Variants in HAVCR1 observed in about 807,000 individuals in gnomAD.
HAVCR1 encodes T cell immunoglobin domain and mucin domain protein 1.
Under a neutral mutation model 32.0 loss-of-function variants are expected in HAVCR1, and 34 were observed. That is an observed-to-expected ratio of 1.06 (90% CI 0.81 to 1.42). The LOEUF is 1.42. Ranked by LOEUF, HAVCR1 falls within the 40% of genes most tolerant of loss-of-function variation. The pLI, the probability that HAVCR1 is intolerant of heterozygous loss-of-function variation, is 0.00. For missense variants in HAVCR1, 420 were observed against 442.3 expected, an observed-to-expected ratio of 0.95 and a Z score of 0.45; for synonymous variants, 178 against 170.3, an observed-to-expected ratio of 1.05 and a Z score of -0.35.
chr5:157,048,702 C>T (rs922774172), intron 5 of HAVCR1, among the ~76,000 whole-genome samples: 7 of 151,934 alleles, frequency 4.6e-5, no homozygotes, highest in Non-Finnish European at 8.8e-5. Context: ...TGGTGGCGGG[C>T]GCCTGTAGTC....
At chr5:157,042,787 G>C in intron 5 of HAVCR1, 105 bp from the exon 6 acceptor site, 1 of 702,460 alleles carries the variant, frequency 1.4e-6, no homozygotes, top group Non-Finnish European at 2.5e-6. Flanking sequence ...AAAGTTGAAT[G>C]ATAATATGAC....
At chr5:157,035,398 C>A (rs1224660013) in intron 7 of HAVCR1, among the ~76,000 whole-genome samples, 1 of 152,190 alleles carries the variant, frequency 6.6e-6, no homozygotes, top group East Asian at 1.9e-4. Flanking sequence ...CCACATCTTG[C>A]AAAATAGCTA....
At chr5:157,047,221 C>T (rs1581707617) in intron 5 of HAVCR1, among the ~76,000 whole-genome samples, 1 of 152,164 alleles carries the variant, frequency 6.6e-6, no homozygotes, top group Non-Finnish European at 1.5e-5. Context: ...CCCTGTGCCC[C>T]TGGGGGATGG....
chr5:157,031,010 T>TTTG (rs1754140345), intron 8 of HAVCR1, among the ~76,000 whole-genome samples: 1 of 144,002 alleles, frequency 6.9e-6, no homozygotes, highest in African/African-American at 2.7e-5. Context: ...TAGTGTGGGT[T>TTTG]TTTTTTTTTT....
At chr5:157,046,210 A>C (rs1755387611) in intron 5 of HAVCR1, among the ~76,000 whole-genome samples, 2 of 152,278 alleles carry the variant, frequency 1.3e-5, no homozygotes, top group African/African-American at 4.8e-5. Context: ...CTGCCTACAG[A>C]TTGGCAACAG....
At chr5:157,033,494 A>C (rs1196129155) in intron 7 of HAVCR1, among the ~76,000 whole-genome samples, 1 of 149,940 alleles carries the variant, frequency 6.7e-6, no homozygotes, top group Non-Finnish European at 1.5e-5. Flanking sequence ...ATCTAGCTAA[A>C]GGCCAGATCC....
Position 157,052,589 on chromosome 5 carries a change from T to C in HAVCR1, c.445A>G (p.Thr149Ala), listed in dbSNP as rs199816459. 8.3e-5 allele frequency: 133 copies of C among 1,612,042 alleles called. No individual in the cohort carries two copies. The African/African-American group carries it at 9.6e-4, about 12-fold the overall frequency. The change falls in exon 4 of 9, where the codon ACT becomes GCT. Residue 149 changes from threonine to alanine, a missense_variant. Coordinates refer to ENST00000523175, the MANE Select transcript of HAVCR1 (RefSeq NM_001173393.3). Reference protein sequence around the residue: ...PTVTTVRTSTTVPTTTTVPMT... With the variant: ...PTVTTVRTSTAVPTTTTVPMT... ...GGAACAGTCGTTGTCGTTGGAACAGTGGTGCTCGTTCGAACAGTCGTGACG... is the reference window on the plus strand; with the variant it reads ...GGAACAGTCGTTGTCGTTGGAACAGCGGTGCTCGTTCGAACAGTCGTGACG...
At chr5:157,037,968 T>C (rs1392275588) in intron 6 of HAVCR1, among the ~76,000 whole-genome samples, 3 of 151,980 alleles carry the variant, frequency 2.0e-5, no homozygotes, top group South Asian at 2.1e-4. Flanking sequence ...GATTTCGCCA[T>C]TGCACTCCAG....
chr5:157,060,218 AAAT>A (rs200229739), upstream of HAVCR1, among the ~76,000 whole-genome samples: 23 of 150,748 alleles, frequency 1.5e-4, no homozygotes, highest in Admixed American at 2.7e-4. Flanking sequence ...TCTCTCAGAA[AAAT>A]AATAATAATA....
intron 2 of HAVCR1, among the ~76,000 whole-genome samples, chr5:157,057,459 GAAAGA>G (rs1756278396): frequency 9.3e-6 from 1 of 107,222 alleles, no homozygotes. Flanking sequence ...AAGAAAGAAA[GAAAGA>G]GAATTGAATG....
At chr5:157,063,564 C>A (rs1304016843), upstream of HAVCR1, among the ~76,000 whole-genome samples, 1 of 151,292 alleles carries the variant, frequency 6.6e-6, no homozygotes, top group Admixed American at 6.6e-5. Flanking sequence ...GGATTATAGG[C>A]GTGAGCACCA....
intron 7 of HAVCR1, among the ~76,000 whole-genome samples, chr5:157,033,432 G>A (rs1011952867): frequency 6.6e-6 from 1 of 152,056 alleles, no homozygotes; most frequent in Non-Finnish European, 1.5e-5. Flanking sequence ...TTCAAAGTGA[G>A]AGCACCTGGG....
chr5:157,039,360 T>G (rs1038181458), intron 6 of HAVCR1, among the ~76,000 whole-genome samples: 6 of 152,198 alleles, frequency 3.9e-5, no homozygotes, highest in African/African-American at 7.2e-5. Context: ...GTAAATGCAC[T>G]GCAATGACTA....
intron 3 of HAVCR1, among the ~76,000 whole-genome samples, chr5:157,053,522 G>A (rs752627783): frequency 9.2e-5 from 14 of 151,990 alleles, no homozygotes; most frequent in Non-Finnish European, 1.5e-4. Flanking sequence ...TATTAAGGTC[G>A]TAGGTATTGG....
chr5:157,037,209 A>C (rs1581683108), intron 7 of HAVCR1, 38 bp downstream of exon 7: 6 of 1,044,000 alleles, frequency 5.7e-6, no homozygotes, highest in African/African-American at 3.1e-5. Flanking sequence ...TTTGCTGTAC[A>C]TCCCTTGTCC....
intron 8 of HAVCR1, among the ~76,000 whole-genome samples, chr5:157,030,458 C>T (rs1459922798): frequency 1.3e-5 from 2 of 152,108 alleles, no homozygotes; most frequent in African/African-American, 4.8e-5. Flanking sequence ...TTGAGGCCAG[C>T]GTGAGCAACA....
chr5:157,044,463 GAAA>G, intron 5 of HAVCR1, among the ~76,000 whole-genome samples: 3 of 68,556 alleles, frequency 4.4e-5, no homozygotes, highest in South Asian at 5.5e-4. Flanking sequence ...AAGAAAGAAA[GAAA>G]GAAAGGAAGG....
intron 2 of HAVCR1, among the ~76,000 whole-genome samples, chr5:157,056,582 A>T (rs375772845): frequency 2.6e-5 from 4 of 151,170 alleles, no homozygotes; most frequent in African/African-American, 9.7e-5. Flanking sequence ...GGGTTTCACC[A>T]TGTTAGCCAG....
In HAVCR1 at chr5:157,058,929, C is replaced by G. The variant is rs1756393923; in HGVS notation, c.-21G>C. The G allele has an allele frequency of 6.6e-6, 1 of 152,216 alleles. No homozygotes were observed. The highest frequency in any genetic ancestry group is 2.4e-5 in the African/African-American group (1 of 41,458). The allele number at this position is 152,216 out of a possible 1,614,324, so 9.4% of individuals were successfully genotyped here. ...GTCTGGAGCAGACTTACGTTCAGAT[C>G]CAGGCTCTGTCACTCACAATGCTGG... On this transcript the variant is annotated 5_prime_UTR_variant, in exon 1 of 9. Transcript: ENST00000523175.
Sources: gnomAD v4.1 joint callset for allele counts (sites outside exome capture counted in the v4.1 genomes callset) on GRCh38, gnomAD v4.1.1 for gene constraint, MANE v1.5 for transcripts, NCBI Gene and HGNC (gene_info 2026-07-23, HGNC 2026-07-21) for gene names.